Variants in PPP3CA observed in about 807,000 individuals in gnomAD.
The protein encoded by PPP3CA is CAM-PRP catalytic subunit.
Under a neutral mutation model 66.5 loss-of-function variants are expected in PPP3CA, and 14 were observed. The ratio of observed to expected loss-of-function variants is 0.21; its 90% CI spans 0.14 to 0.33. The LOEUF is 0.33. Ranked by LOEUF, PPP3CA falls within the 10% of genes least tolerant of loss-of-function variation. The pLI, the probability that PPP3CA is intolerant of heterozygous loss-of-function variation, is 1.00. For missense variants in PPP3CA, 317 were observed against 639.5 expected (o/e 0.50, Z 5.44); for synonymous variants, 232 against 226.2 (o/e 1.03, Z -0.23).
chr4:101,285,591 CTGTGTGTATGTG>C lies in PPP3CA; in HGVS notation c.58+61136_58+61147del, dbSNP rs1238453373. Among the ~76,000 whole-genome samples the C allele has an allele frequency of 8.9e-3, 1,175 of 131,842 alleles. 20 individuals are homozygous for C. Among genetic ancestry groups the C allele is most frequent in the African/African-American group, 0.031 (1,065 of 34,046 alleles). The allele number at this position is 131,842 out of a possible 152,430, so 86.5% of individuals were successfully genotyped here. ...CCTTTCCCTTCCCTTTCAAATGCCA[CTGTGTGTATGTG>C]TGTGTGTGTGTGTGTGTGTGTGTGT... On this transcript the variant is annotated intron_variant, in intron 1 of 13. Coordinates refer to ENST00000394854, the MANE Select transcript of PPP3CA (RefSeq NM_000944.5).
At chr4:101,343,349 CA>C (rs1356568026) in intron 1 of PPP3CA, among the ~76,000 whole-genome samples, 2 of 152,052 alleles carry the variant, frequency 1.3e-5, no homozygotes, top group Non-Finnish European at 2.9e-5. Flanking sequence ...TAGGGCCAGA[CA>C]AAGCATTCTA....
At chr4:101,137,685 C>T (rs2732514) in intron 2 of PPP3CA, among the ~76,000 whole-genome samples, 45,750 of 151,954 alleles carry the variant, frequency 0.3, 9,718 homozygotes, top group African/African-American at 0.6. Flanking sequence ...TTACTTTTCA[C>T]TGTGGCTGAT....
chr4:101,222,147 A>G (rs1725645251), intron 1 of PPP3CA, among the ~76,000 whole-genome samples: 1 of 151,656 alleles, frequency 6.6e-6, no homozygotes, highest in African/African-American at 2.4e-5. Context: ...GCTTTTTAAG[A>G]CCACTGGAAA....
At position 101,331,954 on chromosome 4, in the gene PPP3CA, A is replaced by G. The variant is rs191080431; in HGVS notation, c.58+14785T>C. Among the ~76,000 whole-genome samples, 370 of 152,336 alleles carry G rather than the reference A, an allele frequency of 2.4e-3. 1 individual carries two copies. Among genetic ancestry groups the G allele is most frequent in the Non-Finnish European group, 4.3e-3 (290 of 68,042 alleles). On this transcript the variant is annotated intron_variant, in intron 1 of 13. Coordinates refer to ENST00000394854, the MANE Select transcript of PPP3CA (RefSeq NM_000944.5). Reference sequence around the variant, plus strand: ...ATCGGCATAATCAAGTGTTCGTTTTAGAAAAATAATCCTAGTGCCAATGTG... The same window carrying G: ...ATCGGCATAATCAAGTGTTCGTTTTGGAAAAATAATCCTAGTGCCAATGTG...
rs565435899 is a variant in PPP3CA at position 101,186,035 on chromosome 4, C to T, written c.259+9881G>A. ...TTTATAGTGTACAAAAGAATAAAGGCGTATTTGAGGCCAATCAATATTATA... is the reference window on the plus strand; with the variant it reads ...TTTATAGTGTACAAAAGAATAAAGGTGTATTTGAGGCCAATCAATATTATA... On this transcript the variant is annotated intron_variant, in intron 2 of 13. Coordinates refer to ENST00000394854, the MANE Select transcript of PPP3CA (RefSeq NM_000944.5). 2.0e-5 allele frequency among the ~76,000 whole-genome samples: 3 copies of T among 152,176 alleles called. No individual in the cohort carries two copies. In the South Asian group the frequency reaches 6.2e-4, roughly 32 times the overall value.
intron 1 of PPP3CA, among the ~76,000 whole-genome samples, chr4:101,315,607 G>A (rs1400745279): frequency 2.0e-5 from 3 of 152,142 alleles, no homozygotes; most frequent in Admixed American, 2.0e-4. Context: ...CACTGAGAAT[G>A]GTATCTGCTA....
intron 1 of PPP3CA, among the ~76,000 whole-genome samples, chr4:101,274,835 T>C (rs1727438750): frequency 6.6e-6 from 1 of 152,146 alleles, no homozygotes; most frequent in Non-Finnish European, 1.5e-5. Context: ...TAAAGTGAAA[T>C]TGCATTTAGA....
In PPP3CA at chr4:101,257,342, T is replaced by C. The variant is rs748591957; in HGVS notation, c.59-61226A>G. Among the ~76,000 whole-genome samples the C allele has an allele frequency of 5.5e-4, 83 of 151,856 alleles. 1 individual carries two copies. The highest frequency in any genetic ancestry group is 3.4e-3 in the Middle Eastern group (1 of 294). On this transcript the variant is annotated intron_variant, in intron 1 of 13. Transcript: ENST00000394854. ...TACATGTATGAGACTTTTTTTTTTT[T>C]TTTCAGAATTCCACATTCAGTGACA...
intron 1 of PPP3CA, among the ~76,000 whole-genome samples, chr4:101,201,981 C>G (rs1361553281): frequency 6.6e-6 from 1 of 152,162 alleles, no homozygotes; most frequent in Non-Finnish European, 1.5e-5. Context: ...TAAGCCAACC[C>G]AAGCTCTGAA....
intron 1 of PPP3CA, among the ~76,000 whole-genome samples, chr4:101,279,563 A>AGCCCTT (rs1374649967): frequency 1.3e-5 from 2 of 152,224 alleles, no homozygotes; most frequent in Admixed American, 1.3e-4. Context: ...TTAATGCTGT[A>AGCCCTT]TATAACTGCG....
chr4:101,285,425 C>A (rs1341814883), intron 1 of PPP3CA, among the ~76,000 whole-genome samples: 1 of 152,000 alleles, frequency 6.6e-6, no homozygotes, highest in Non-Finnish European at 1.5e-5. Context: ...AGATTTATAA[C>A]CCCTGTACAT....
At chr4:101,048,262 T>C (rs548058758) in intron 10 of PPP3CA, among the ~76,000 whole-genome samples, 4 of 152,238 alleles carry the variant, frequency 2.6e-5, no homozygotes, top group African/African-American at 9.6e-5. Flanking sequence ...ATAAGACTTA[T>C]GGTGGCTGAG....
chr4:101,141,169 A>T (rs192098062), intron 2 of PPP3CA, among the ~76,000 whole-genome samples: 194 of 152,204 alleles, frequency 1.3e-3, no homozygotes, highest in African/African-American at 4.3e-3. Flanking sequence ...CAGGAGTTCG[A>T]GATCAGCCTG....
intron 2 of PPP3CA, among the ~76,000 whole-genome samples, chr4:101,167,013 C>A (rs1490052530): frequency 1.3e-5 from 2 of 152,164 alleles, no homozygotes; most frequent in East Asian, 3.8e-4. Flanking sequence ...GCATTTTGAT[C>A]TGAATTCAGA....
chr4:101,183,119 A>G (rs1178940731), intron 2 of PPP3CA, among the ~76,000 whole-genome samples: 5 of 152,148 alleles, frequency 3.3e-5, no homozygotes, highest in Non-Finnish European at 1.5e-5. Context: ...CTTAAATGTG[A>G]TAAAAGCTTA....
In PPP3CA at chr4:101,184,899, A is replaced by G. The variant is rs1724360408; in HGVS notation, c.259+11017T>C. On this transcript the variant is annotated intron_variant, in intron 2 of 13. Transcript: ENST00000394854. ...GTGAGGCAAGGGCTTATGGCTGCAC[A>G]CTGCCGCATCAAGCAGGAATCAGTC... Among the ~76,000 whole-genome samples, 5 of 152,268 alleles carry G rather than the reference A, an allele frequency of 3.3e-5. No homozygotes were observed. The South Asian group carries it at 1.0e-3, about 32-fold the overall frequency.
At chr4:101,107,646 C>T (rs1240909777) in intron 3 of PPP3CA, among the ~76,000 whole-genome samples, 1 of 152,012 alleles carries the variant, frequency 6.6e-6, no homozygotes, top group Admixed American at 6.6e-5. Flanking sequence ...TCTGTGTCTG[C>T]GTGTAGTCAG....
chr4:101,217,019 A>T (rs531283971), intron 1 of PPP3CA, among the ~76,000 whole-genome samples: 1 of 152,300 alleles, frequency 6.6e-6, no homozygotes, highest in South Asian at 2.1e-4. Flanking sequence ...AAATGTTCAA[A>T]AAATTACGTA....
At chr4:101,086,376 T>C (rs539100703) in intron 6 of PPP3CA, among the ~76,000 whole-genome samples, 33 of 152,142 alleles carry the variant, frequency 2.2e-4, no homozygotes, top group African/African-American at 7.9e-4. Context: ...TAATAAATGG[T>C]AGAAAAATTG....
Sources: allele counts gnomAD v4.1 joint callset (sites outside exome capture counted in the v4.1 genomes callset), GRCh38; gene constraint gnomAD v4.1.1; transcripts MANE v1.5; gene names NCBI Gene and HGNC (gene_info 2026-07-23, HGNC 2026-07-21).